MUC12: variants seen among roughly 807,000 people sequenced by gnomAD.
MUC12 encodes the protein mucin-12.
A neutral mutation model predicts 230.8 loss-of-function variants in MUC12; 172 were observed. The ratio of observed to expected loss-of-function variants is 0.75; its 90% CI spans 0.66 to 0.85. The LOEUF (loss-of-function observed/expected upper bound fraction) is 0.85, where lower values mean the gene tolerates loss of function less well. MUC12 is among the 40% of genes least tolerant of loss of function. The pLI is 0.00. For synonymous variants in MUC12, 1,259 were observed against 2,401.9 expected (o/e 0.52, Z 13.91); for missense variants, 3,506 against 5,920.6 (o/e 0.59, Z 13.38).
In MUC12 at chr7:101,013,068, C is replaced by T. The variant is rs1462869926; in HGVS notation, c.15564C>T (p.Cys5188=). ...LDGKLACVNK[C]TKGTKSQMNC... is the part of the protein sequence containing the mutation. ...GGAAGCTGGCCTGTGTGAACAAGTGCACCAAAGGAACGAAGTCGCAAATGA... is the reference window on the plus strand; with the variant it reads ...GGAAGCTGGCCTGTGTGAACAAGTGTACCAAAGGAACGAAGTCGCAAATGA... Residue 5188 remains cysteine (C), a synonymous_variant, in exon 8 of 12, where the codon TGC becomes TGT. Coordinates refer to ENST00000536621, the MANE Select transcript of MUC12 (RefSeq NM_001164462.2). 3.9e-6 allele frequency: 6 copies of T among 1,537,354 alleles called. No homozygotes were observed. Among genetic ancestry groups the T allele is most frequent in the Non-Finnish European group, 5.2e-6 (6 of 1,146,926 alleles).
chr7:101,005,492 A>T lies in MUC12; in HGVS notation c.14929A>T (p.Thr4977Ser). ...AAGCTTCACTTCTACAATTGTGTCT[A>T]CTGAAAGCCTGGAAACCTTAGCACC... The part of the protein sequence containing the change: ...SPSFTSTIVS[T>S]ESLETLAPGL... Residue 4977 changes from threonine to serine, a missense_variant, in exon 2 of 12, where the codon ACT becomes TCT. Transcript: ENST00000536621. 6.5e-7 allele frequency: 1 copy of T among 1,537,342 alleles called. No homozygotes were observed. Among genetic ancestry groups the T allele is most frequent in the Non-Finnish European group, 8.7e-7 (1 of 1,146,720 alleles).
intron 1 of MUC12, among the ~76,000 whole-genome samples, chr7:100,971,673 T>C (rs1403784373): frequency 6.6e-6 from 1 of 152,310 alleles, no homozygotes; most frequent in African/African-American, 2.4e-5. Context: ...GAGAGTTTAT[T>C]AATAAGACAT....
At chr7:101,013,787 G>C in intron 8 of MUC12, 126 bp from the exon 9 acceptor site, 1 of 1,163,632 alleles carries the variant, frequency 8.6e-7, no homozygotes, top group Non-Finnish European at 1.2e-6. Flanking sequence ...GGCTCTCTGG[G>C]GGCTGAGCTC....
chr7:101,002,913 C>T lies in MUC12; in HGVS notation c.12350C>T (p.Thr4117Ile). 1.6e-6 allele frequency: 2 copies of T among 1,236,058 alleles called. No homozygotes were observed. The highest frequency in any genetic ancestry group is 1.7e-5 in the African/African-American group (1 of 58,464). 76.6% of individuals were successfully genotyped at this position (1,236,058 alleles called of 1,614,324 possible). A position where few individuals can be genotyped will look rare whatever the true frequency, so the allele number is the denominator to read the frequency against. The change falls in exon 2 of 12, where the codon ACA (threonine) becomes ATA (isoleucine). Residue 4117 changes from threonine (T) to isoleucine (I), a missense_variant. Coordinates refer to ENST00000536621, the MANE Select transcript of MUC12 (RefSeq NM_001164462.2). Reference sequence around the variant, plus strand: ...AGCCGCCCGAGCTCAACTCCAACAACACACTTTTCTGCCAGTTCCACAACC... The same window carrying T: ...AGCCGCCCGAGCTCAACTCCAACAATACACTTTTCTGCCAGTTCCACAACC... ...YHSRPSSTPT[T>I]HFSASSTTLG...
Position 101,005,035 on chromosome 7 carries a change from C to T in MUC12, c.14472C>T (p.Thr4824=). The T allele has an allele frequency of 6.5e-7, 1 of 1,537,770 alleles. No individual in the cohort carries two copies. Among genetic ancestry groups the T allele is most frequent in the Non-Finnish European group, 8.7e-7 (1 of 1,147,026 alleles). Residue 4824 remains threonine, a synonymous_variant, in exon 2 of 12, where the codon ACC becomes ACT. Coordinates refer to ENST00000536621, the MANE Select transcript of MUC12 (RefSeq NM_001164462.2). ...TTSSFAQEFT[T]PHSQPGSALS... ...CATCTTTTGCTCAAGAATTTACCAC[C>T]CCTCATAGCCAACCAGGCTCAGCTC...
intron 1 of MUC12, 103 bp downstream of exon 1, chr7:100,969,792 G>A: frequency 6.8e-7 from 1 of 1,476,178 alleles, no homozygotes; most frequent in Non-Finnish European, 9.1e-7. Context: ...CCTCCCCTTT[G>A]CATGGCAAGG....
chr7:100,981,331 C>CTCT, intron 1 of MUC12: 1 of 568,198 alleles, frequency 1.8e-6, no homozygotes, highest in Non-Finnish European at 3.1e-6. Context: ...GGGTCTGAAT[C>CTCT]TCTTCACCCA....
chr7:100,989,328 G>A (rs540374179), intron 1 of MUC12, among the ~76,000 whole-genome samples: 54 of 152,050 alleles, frequency 3.6e-4, no homozygotes, highest in African/African-American at 1.1e-3. Flanking sequence ...GGCTCATCTC[G>A]AACTCCTGAC....
intron 1 of MUC12, among the ~76,000 whole-genome samples, chr7:100,969,895 T>C (rs1199104073): frequency 6.6e-6 from 1 of 152,304 alleles, no homozygotes. Flanking sequence ...TGCCTGTGGT[T>C]GTGCAGGGGA....
At position 100,991,034 on chromosome 7, in the gene MUC12, A is replaced by C; in HGVS notation, c.471A>C (p.Thr157=). 4.6e-6 allele frequency: 7 copies of C among 1,537,714 alleles called. No homozygotes were observed. Among genetic ancestry groups the C allele is most frequent in the Non-Finnish European group, 6.1e-6 (7 of 1,147,004 alleles). Residue 157 remains threonine (T), a synonymous_variant, in exon 2 of 12, where the codon ACA becomes ACC. Transcript: ENST00000536621. ...GAACACTCTCACCTGCCCGCACGAC[A>C]AGCTCAGGCGTCAGTGAAAAATCAA... ...PDRTLSPART[T]SSGVSEKSTT...
Position 101,004,908 on chromosome 7 carries a change from C to G in MUC12, c.14345C>G (p.Pro4782Arg), listed in dbSNP as rs1793714861. ...QAESTHTTAFPASTTTSGLSQ... is the reference protein window; with the variant it reads ...QAESTHTTAFRASTTTSGLSQ... ...GAGTCAACACACACAACAGCGTTCC[C>G]TGCCAGCACCACCACCTCAGGCCTC... Residue 4782 changes from proline (P) to arginine (R), a missense_variant, in exon 2 of 12, where the codon CCT (proline) becomes CGT (arginine). Transcript: ENST00000536621. 1 of 1,537,814 alleles carries G rather than the reference C, an allele frequency of 6.5e-7. No individual in the cohort carries two copies. Among genetic ancestry groups the G allele is most frequent in the Non-Finnish European group, 8.7e-7 (1 of 1,147,072 alleles).
intron 9 of MUC12, chr7:101,014,309 C>A (rs1011804434): frequency 4.8e-6 from 2 of 413,300 alleles, no homozygotes; most frequent in Non-Finnish European, 8.6e-6. Flanking sequence ...TAACAGAATA[C>A]CACCACTGGG....
chr7:100,990,817 A>T lies in MUC12; in HGVS notation c.254A>T (p.His85Leu). 1 of 1,537,838 alleles carries T rather than the reference A, an allele frequency of 6.5e-7. No individual in the cohort carries two copies. Among genetic ancestry groups the T allele is most frequent in the Non-Finnish European group, 8.7e-7 (1 of 1,147,032 alleles). The change falls in exon 2 of 12, where the codon CAC (histidine) becomes CTC (leucine). Residue 85 changes from histidine to leucine, a missense_variant. By Grantham distance (99) the His-to-Leu change is moderately conservative (BLOSUM62 -3). Transcript: ENST00000536621. ...CACAGTGAGGAATCAACAGTATCCC[A>T]CAGCGGCCCAGGTGCAACTGGAACA... ...SGHSEESTVSHSGPGATGTTL... is the reference protein window; with the variant it reads ...SGHSEESTVSLSGPGATGTTL...
chr7:101,014,290 G>A (rs118123791), intron 9 of MUC12: 17,986 of 469,634 alleles, frequency 0.038, 452 homozygotes, highest in Middle Eastern at 0.054. Context: ...AGTCCATTTT[G>A]TGCTATTATA....
intron 1 of MUC12, among the ~76,000 whole-genome samples, chr7:100,977,940 C>T (rs1315168931): frequency 6.6e-6 from 1 of 152,108 alleles, no homozygotes; most frequent in African/African-American, 2.4e-5. Flanking sequence ...TCTGCCTCAT[C>T]GTCTTTGGGC....
intron 4 of MUC12, 138 bp from the exon 5 acceptor site, chr7:101,008,957 G>A (rs543682289): frequency 5.6e-6 from 7 of 1,247,160 alleles, no homozygotes; most frequent in African/African-American, 1.5e-5. Flanking sequence ...GGCAGAGGGA[G>A]CTTCCTGGGT....
At position 100,991,267 on chromosome 7, in the gene MUC12, G is replaced by C; in HGVS notation, c.704G>C (p.Arg235Pro). ...HSSPGYTKTT[R>P]LPDNTTTSGL... The stretch of plus-strand genomic sequence containing the variant: ...AGCCCAGGCTACACTAAAACAACAC[G>C]CTTACCTGACAACACCACAACCTCA... The change falls in exon 2 of 12, where the codon CGC (arginine) becomes CCC (proline). Residue 235 changes from arginine to proline, a missense_variant. Arg to Pro is a moderately radical substitution (Grantham distance 103). Coordinates refer to ENST00000536621, the MANE Select transcript of MUC12 (RefSeq NM_001164462.2). The C allele has an allele frequency of 6.5e-7, 1 of 1,536,610 alleles. No individual in the cohort carries two copies.
At chr7:100,971,565 C>T (rs1420319492) in intron 1 of MUC12, among the ~76,000 whole-genome samples, 2 of 152,310 alleles carry the variant, frequency 1.3e-5, no homozygotes, top group African/African-American at 4.8e-5. Flanking sequence ...TCCTTTACCC[C>T]CACCCGGACA....
In MUC12 at chr7:100,993,396, A is replaced by C. The variant is rs1486747718; in HGVS notation, c.2833A>C (p.Thr945Pro). 9.8e-7 allele frequency: 1 copy of C among 1,025,272 alleles called. No individual in the cohort carries two copies. The highest frequency in any genetic ancestry group is 2.5e-5 in the Admixed American group (1 of 39,414). 63.5% of individuals were successfully genotyped at this position (1,025,272 alleles called of 1,614,324 possible). Residue 945 changes from threonine (T) to proline (P), a missense_variant, in exon 2 of 12, where the codon ACT becomes CCT. By Grantham distance (38) the Thr-to-Pro change is conservative (BLOSUM62 -1). Coordinates refer to ENST00000536621, the MANE Select transcript of MUC12 (RefSeq NM_001164462.2). ...AACCTTCCACAGCAACCCAGGCTCC[A>C]CTCACACAACACTCTTCCCTGACAG... ...STTFHSNPGS[T>P]HTTLFPDSTT...
Sources: gnomAD v4.1 joint callset for allele counts (sites outside exome capture counted in the v4.1 genomes callset) on GRCh38, gnomAD v4.1.1 for gene constraint, MANE v1.5 for transcripts, NCBI Gene and HGNC (gene_info 2026-07-23, HGNC 2026-07-21) for gene names.